ARHGEF18: variants seen among roughly 807,000 people sequenced by gnomAD.
ARHGEF18 encodes the protein rho guanine nucleotide exchange factor 18.
A neutral mutation model predicts 155.7 loss-of-function variants in ARHGEF18; 93 were observed. The ratio of observed to expected loss-of-function variants is 0.60; its 90% CI spans 0.50 to 0.71. The LOEUF is 0.71. Among genes scored for constraint, ARHGEF18 ranks in the 30% least tolerant of loss-of-function variants. The probability of loss-of-function intolerance (pLI) is 0.00; values close to 1 mark genes in which losing one functional copy is unlikely to be tolerated. For synonymous variants in ARHGEF18, 742 were observed against 753.1 expected, an observed-to-expected ratio of 0.99 and a Z score of 0.24; for missense variants, 1,593 against 1,816.1, an observed-to-expected ratio of 0.88 and a Z score of 2.23.
chr19:7,414,676 G>A (rs1425386410), intron 10 of ARHGEF18, among the ~76,000 whole-genome samples: 1 of 152,104 alleles, frequency 6.6e-6, no homozygotes, highest in East Asian at 1.9e-4. Context: ...GGGCATGGTG[G>A]TGCGTGCCTG....
intron 2 of ARHGEF18, among the ~76,000 whole-genome samples, chr19:7,365,600 G>A (rs1037924167): frequency 6.6e-6 from 1 of 152,204 alleles, no homozygotes; most frequent in African/African-American, 2.4e-5. Context: ...TGGGGGAACG[G>A]TGGGCTCTGG....
intron 20 of ARHGEF18, among the ~76,000 whole-genome samples, chr19:7,461,303 C>T (rs911628759): frequency 3.3e-5 from 5 of 152,042 alleles, no homozygotes; most frequent in Admixed American, 1.3e-4. Context: ...AATCCCAGCA[C>T]TTTGGGAGGC....
the ARHGEF18 span, chr19:7,478,309 C>T: frequency 6.2e-7 from 1 of 1,610,498 alleles, no homozygotes; most frequent in Non-Finnish European, 8.5e-7. Context: ...ATCACGGGCT[C>T]CTACCTGGTG....
At chr19:7,380,490 A>C (rs941031917) in intron 7 of ARHGEF18, among the ~76,000 whole-genome samples, 1 of 151,424 alleles carries the variant, frequency 6.6e-6, no homozygotes, top group Non-Finnish European at 1.5e-5. Context: ...AAAAAAAAAA[A>C]AACTGTGTAA....
chr19:7,466,243 C>T (rs1423989158), intron 23 of ARHGEF18, among the ~76,000 whole-genome samples: 1 of 151,930 alleles, frequency 6.6e-6, no homozygotes, highest in Non-Finnish European at 1.5e-5. Context: ...ATTAGCCAGG[C>T]GTGGTGGCAC....
chr19:7,365,314 C>G (rs888920461), intron 2 of ARHGEF18, among the ~76,000 whole-genome samples: 4 of 152,328 alleles, frequency 2.6e-5, no homozygotes, highest in African/African-American at 7.2e-5. Flanking sequence ...GTAGTCCCAA[C>G]TACTCGGGAG....
At position 7,375,802 on chromosome 19, in the gene ARHGEF18, G is replaced by A; in HGVS notation, c.358G>A (p.Gly120Arg). The change falls in exon 4 of 29, where the codon GGA becomes AGA. Residue 120 changes from glycine (G) to arginine (R), a missense_variant. Gly to Arg is a moderately radical substitution (Grantham distance 125). Transcript: ENST00000668164. Reference sequence around the variant, plus strand: ...CAGCCTTGCTTTGAACCTGCCAGGAGGAGGGCTGAAGACCTGGACTCAAGG... The same window carrying A: ...CAGCCTTGCTTTGAACCTGCCAGGAAGAGGGCTGAAGACCTGGACTCAAGG... ...LASLALNLPGGGLKTWTQGCL... is the reference protein window; with the variant it reads ...LASLALNLPGRGLKTWTQGCL... The A allele has an allele frequency of 2.4e-6, 3 of 1,234,560 alleles. No individual in the cohort carries two copies. The highest frequency in any genetic ancestry group is 3.0e-6 in the Non-Finnish European group (3 of 988,294). 76.5% of individuals were successfully genotyped at this position (1,234,560 alleles called of 1,614,324 possible).
chr19:7,412,523 C>T (rs34271378), intron 10 of ARHGEF18, among the ~76,000 whole-genome samples: 2 of 151,428 alleles, frequency 1.3e-5, no homozygotes, highest in East Asian at 4.0e-4. Context: ...GGGCGGATCA[C>T]CTGAGGTCAG....
At chr19:7,404,415 A>C (rs1972184196) in intron 10 of ARHGEF18, among the ~76,000 whole-genome samples, 1 of 151,520 alleles carries the variant, frequency 6.6e-6, no homozygotes, top group African/African-American at 2.4e-5. Context: ...TAGAAACCCA[A>C]AGCAAACCCG....
intron 10 of ARHGEF18, among the ~76,000 whole-genome samples, chr19:7,387,287 GGACTACA>G (rs1406360569): frequency 6.6e-6 from 1 of 151,956 alleles, no homozygotes; most frequent in Non-Finnish European, 1.5e-5. Flanking sequence ...CAAGTAGCTG[GGACTACA>G]GGTGCCCGCC....
intron 5 of ARHGEF18, 72 bp downstream of exon 5, chr19:7,376,829 CCT>C: frequency 9.4e-7 from 1 of 1,067,960 alleles, no homozygotes; most frequent in Non-Finnish European, 1.2e-6. Context: ...ATGGTGAAAC[CCT>C]GTTGGGGTTT....
At chr19:7,474,367 AATTT>A (rs1249577603), downstream of ARHGEF18, among the ~76,000 whole-genome samples, 1 of 151,934 alleles carries the variant, frequency 6.6e-6, no homozygotes, top group East Asian at 1.9e-4. Flanking sequence ...GGATGTAATT[AATTT>A]ATTACATTTT....
Position 7,458,526 on chromosome 19 carries a change from C to A in ARHGEF18, c.2196C>A (p.Pro732=), listed in dbSNP as rs777796445. 1.2e-6 allele frequency: 2 copies of A among 1,614,004 alleles called. No homozygotes were observed. The highest frequency in any genetic ancestry group is 8.5e-7 in the Non-Finnish European group (1 of 1,179,966). Residue 732 remains proline, a synonymous_variant, in exon 19 of 29, where the codon CCC becomes CCA. Coordinates refer to ENST00000668164, the MANE Select transcript of ARHGEF18 (RefSeq NM_001367823.1). The part of the protein sequence containing the change: ...YVFASVDSKP[P]VISLQKLIVR... Reference sequence around the variant, plus strand: ...TACTCATGCAGGACTCAAAGCCACCCGTCATCTCGTTACAAAAGCTCATCG... The same window carrying A: ...TACTCATGCAGGACTCAAAGCCACCAGTCATCTCGTTACAAAAGCTCATCG...
chr19:7,470,707 G>T lies in ARHGEF18; in HGVS notation c.*409G>T, dbSNP rs530536126. 26 of 399,318 alleles carry T rather than the reference G, an allele frequency of 6.5e-5. 1 individual carries two copies. The South Asian group carries it at 3.2e-3, about 49-fold the overall frequency. 24.7% of individuals were successfully genotyped at this position (399,318 alleles called of 1,614,324 possible). On this transcript the variant is annotated 3_prime_UTR_variant, in exon 29 of 29. Transcript: ENST00000668164. The surrounding 1 kb of genome is among the most constrained non-coding windows in gnomAD (Gnocchi z 5.9). ...ACAGGACAGACCTTGCTTTGAGAAG[G>T]AGCTGCCGGCCGGGGCCACGCTCCA...
chr19:7,477,288 C>CTA (rs201351602), downstream of ARHGEF18: 1,509 of 1,583,222 alleles, frequency 9.5e-4, 22 homozygotes, highest in African/African-American at 0.019. Context: ...ATGAGGCCCA[C>CTA]TAGCCACGGC....
chr19:7,382,226 T>A (rs1488121738), intron 8 of ARHGEF18, among the ~76,000 whole-genome samples: 5 of 151,866 alleles, frequency 3.3e-5, no homozygotes, highest in African/African-American at 1.2e-4. Context: ...AAACCCCACC[T>A]CTACTAAAAA....
At chr19:7,397,720 G>C (rs901615982) in intron 10 of ARHGEF18, among the ~76,000 whole-genome samples, 2 of 150,546 alleles carry the variant, frequency 1.3e-5, no homozygotes, top group Admixed American at 1.3e-4. Flanking sequence ...GCAACAGAAC[G>C]AGATTCCATC....
In ARHGEF18 at chr19:7,467,217, G is replaced by A; in HGVS notation, c.3013G>A (p.Val1005Ile). Residue 1005 changes from valine (V) to isoleucine (I), a missense_variant, in exon 26 of 29, where the codon GTA (valine) becomes ATA (isoleucine). By Grantham distance (29) the Val-to-Ile change is conservative (BLOSUM62 3). Transcript: ENST00000668164. The stretch of plus-strand genomic sequence containing the variant: ...GCCTGGCCCTGGCCCTCCGCAGGCG[G>A]TAATCGCCCACCAGGACAGCTATGT... Reference protein sequence around the residue: ...LSQLLLNLQAVIAHQDSYVET... With the variant: ...LSQLLLNLQAIIAHQDSYVET... 1.3e-6 allele frequency: 2 copies of A among 1,584,970 alleles called. No individual in the cohort carries two copies. Among genetic ancestry groups the A allele is most frequent in the African/African-American group, 1.3e-5 (1 of 74,504 alleles).
Position 7,373,122 on chromosome 19 carries a change from A to G in ARHGEF18, c.275+51A>G, listed in dbSNP as rs555206379. ...CCCACAATGCACCCCTGGGACAGGG[A>G]AGAGGTCCAGAAGGCCAGAGCCAGG... On this transcript the variant is annotated intron_variant, in intron 3 of 28. Transcript: ENST00000668164. 2.2e-4 allele frequency: 271 copies of G among 1,233,852 alleles called. 1 individual carries two copies. The Middle Eastern group carries it at 2.5e-3, about 11-fold the overall frequency. 76.4% of individuals were successfully genotyped at this position (1,233,852 alleles called of 1,614,324 possible). A position where few individuals can be genotyped will look rare whatever the true frequency, so the allele number is the denominator to read the frequency against.
Sources: allele counts gnomAD v4.1 joint callset (sites outside exome capture counted in the v4.1 genomes callset), GRCh38; gene constraint gnomAD v4.1.1; non-coding constraint Gnocchi (gnomAD v3.1); transcripts MANE v1.5; gene names NCBI Gene and HGNC (gene_info 2026-07-23, HGNC 2026-07-21).